The following NTNG1 variants were observed in gnomAD, a reference collection of about 807,000 sequenced individuals.
The protein encoded by NTNG1 is netrin G1.
NTNG1 carries 16 observed loss-of-function variants against 54.0 expected under a neutral mutation model. The ratio of observed to expected loss-of-function variants is 0.30; its 90% confidence interval spans 0.20 to 0.45. NTNG1 has a LOEUF of 0.45. NTNG1 is among the 20% of genes least tolerant of loss of function. The pLI, the probability that NTNG1 is intolerant of heterozygous loss-of-function variation, is 1.00. For missense variants in NTNG1, 530 were observed against 678.7 expected (o/e 0.78, Z 2.43); for synonymous variants, 255 against 263.1 (o/e 0.97, Z 0.30).
intron 2 of NTNG1, among the ~76,000 whole-genome samples, chr1:107,264,653 C>G (rs1427177995): frequency 6.6e-6 from 1 of 152,118 alleles, no homozygotes; most frequent in Non-Finnish European, 1.5e-5. Flanking sequence ...AATCATTTTG[C>G]ATCTATTTAG....
At chr1:107,358,433 C>T (rs562227550) in intron 3 of NTNG1, among the ~76,000 whole-genome samples, 8 of 151,366 alleles carry the variant, frequency 5.3e-5, no homozygotes, top group Admixed American at 2.6e-4. Context: ...GATTTGGTCA[C>T]GAGTGGGGGT....
intron 3 of NTNG1, among the ~76,000 whole-genome samples, chr1:107,354,922 C>T (rs529552770): frequency 1.3e-5 from 2 of 152,208 alleles, no homozygotes; most frequent in East Asian, 3.9e-4. Context: ...ACATTATATA[C>T]CTTAAAAGAC....
At chr1:107,475,124 T>G (rs948297341) in intron 7 of NTNG1, among the ~76,000 whole-genome samples, 1 of 152,148 alleles carries the variant, frequency 6.6e-6, no homozygotes, top group East Asian at 1.9e-4. Flanking sequence ...AGTCAAAGTG[T>G]GATATGAAAG....
At chr1:107,335,840 G>A (rs1041038890) in intron 3 of NTNG1, among the ~76,000 whole-genome samples, 11 of 151,712 alleles carry the variant, frequency 7.3e-5, no homozygotes, top group Non-Finnish European at 1.2e-4. Flanking sequence ...TTACAATAGC[G>A]TAAAAATAAT....
chr1:107,415,539 A>G (rs1006711191), intron 5 of NTNG1, among the ~76,000 whole-genome samples: 1 of 152,166 alleles, frequency 6.6e-6, no homozygotes, highest in African/African-American at 2.4e-5. Flanking sequence ...ACAGCCAGAT[A>G]GCTCCTCAGT....
intron 2 of NTNG1, among the ~76,000 whole-genome samples, chr1:107,313,243 G>A (rs770011102): frequency 2.0e-4 from 30 of 152,162 alleles, no homozygotes; most frequent in Non-Finnish European, 8.8e-5. Flanking sequence ...GATTTGTCTG[G>A]TATTTCCTCA....
At chr1:107,222,628 T>C (rs1371213278) in intron 2 of NTNG1, among the ~76,000 whole-genome samples, 1 of 152,094 alleles carries the variant, frequency 6.6e-6, no homozygotes, top group Non-Finnish European at 1.5e-5. Flanking sequence ...TGCCAAATAT[T>C]GTTGGATGAT....
chr1:107,153,309 TC>T (rs1290893381), intron 2 of NTNG1, among the ~76,000 whole-genome samples: 11 of 152,188 alleles, frequency 7.2e-5, no homozygotes, highest in African/African-American at 2.7e-4. Flanking sequence ...CTTGATAAAT[TC>T]AGTTACATTT....
intron 7 of NTNG1, among the ~76,000 whole-genome samples, chr1:107,473,296 G>A (rs1209556511): frequency 2.6e-5 from 4 of 152,100 alleles, no homozygotes; most frequent in African/African-American, 7.2e-5. Flanking sequence ...AATGTATAAC[G>A]TTGAACAAAA....
intron 3 of NTNG1, among the ~76,000 whole-genome samples, chr1:107,394,446 A>T (rs934255318): frequency 6.6e-6 from 1 of 151,404 alleles, no homozygotes; most frequent in Non-Finnish European, 1.5e-5. Context: ...TTTCTCCTTT[A>T]GGATTCTAGG....
At chr1:107,329,773 C>A (rs1668172013) in intron 3 of NTNG1, among the ~76,000 whole-genome samples, 1 of 152,036 alleles carries the variant, frequency 6.6e-6, no homozygotes, top group Non-Finnish European at 1.5e-5. Context: ...TTCTGTCATC[C>A]ATAAATACTT....
intron 2 of NTNG1, among the ~76,000 whole-genome samples, chr1:107,156,914 A>G (rs1201006663): frequency 6.6e-6 from 1 of 152,216 alleles, no homozygotes; most frequent in Non-Finnish European, 1.5e-5. Context: ...AATAAGCTGA[A>G]GATGAGTAAA....
intron 7 of NTNG1, among the ~76,000 whole-genome samples, chr1:107,469,877 T>G (rs956767957): frequency 3.3e-5 from 5 of 151,930 alleles, no homozygotes; most frequent in Non-Finnish European, 5.9e-5. Flanking sequence ...ATAGTTTTTT[T>G]TTTTAATTAG....
intron 3 of NTNG1, among the ~76,000 whole-genome samples, chr1:107,327,884 C>T (rs529659183): frequency 4.6e-5 from 7 of 152,020 alleles, no homozygotes; most frequent in South Asian, 2.1e-4. Context: ...TCCAATTCTC[C>T]GTTTCTTTGT....
Position 107,448,613 on chromosome 1 carries a change from A to G in NTNG1, c.1390+11814A>G, listed in dbSNP as rs546111832. ...GACTGGATAACAAATGAAGGTTTTA[A>G]CTAGGATAAACTGACTCAAGCCCAA... On this transcript the variant is annotated intron_variant, in intron 7 of 7. Transcript: ENST00000370068. 4.3e-4 allele frequency among the ~76,000 whole-genome samples: 66 copies of G among 152,234 alleles called. No homozygotes were observed. In the South Asian group the frequency reaches 0.012, roughly 28 times the overall value.
At chr1:107,360,607 G>A (rs1325026692) in intron 3 of NTNG1, among the ~76,000 whole-genome samples, 1 of 152,100 alleles carries the variant, frequency 6.6e-6, no homozygotes, top group Non-Finnish European at 1.5e-5. Flanking sequence ...CTAATTCATG[G>A]GTAGTACATA....
At chr1:107,159,407 A>G (rs1249666557) in intron 2 of NTNG1, among the ~76,000 whole-genome samples, 1 of 152,148 alleles carries the variant, frequency 6.6e-6, no homozygotes. Context: ...ACTTTGTGCT[A>G]TATTTTTACA....
rs375107193 is a variant in NTNG1 at position 107,209,448 on chromosome 1, T to C, written c.246+60609T>C. Among the ~76,000 whole-genome samples the C allele has an allele frequency of 9.2e-5, 14 of 152,286 alleles. No individual in the cohort carries two copies. In the East Asian group the frequency reaches 2.7e-3, roughly 29 times the overall value. ...ATGAAAAAGGGGTGAAAGGAGCACC[T>C]ATGGGAGATGACAGCCTTAACAGGT... On this transcript the variant is annotated intron_variant, in intron 2 of 7. Coordinates refer to ENST00000370068, the MANE Select transcript of NTNG1 (RefSeq NM_001113226.3).
intron 3 of NTNG1, among the ~76,000 whole-genome samples, chr1:107,348,206 A>T (rs1028990273): frequency 6.6e-6 from 1 of 151,868 alleles, no homozygotes; most frequent in Non-Finnish European, 1.5e-5. Context: ...GCTCACTGTG[A>T]ACTCCACCTC....
Sources: gnomAD v4.1 joint callset for allele counts (sites outside exome capture counted in the v4.1 genomes callset) on GRCh38, gnomAD v4.1.1 for gene constraint, MANE v1.5 for transcripts, NCBI Gene and HGNC (gene_info 2026-07-23, HGNC 2026-07-21) for gene names.